The following MEF2A variants were observed in gnomAD, a reference collection of about 807,000 sequenced individuals.
The protein encoded by MEF2A is myocyte-specific enhancer factor 2A.
A neutral mutation model predicts 55.8 loss-of-function variants in MEF2A; 28 were observed. The ratio of observed to expected loss-of-function variants is 0.50; its 90% CI spans 0.37 to 0.69. MEF2A has a LOEUF of 0.69. Among genes scored for constraint, MEF2A ranks in the 30% least tolerant of loss-of-function variants. The pLI is 0.00. For missense variants in MEF2A, 528 were observed against 626.2 expected, an observed-to-expected ratio of 0.84 and a Z score of 1.67; for synonymous variants, 239 against 227.1, an observed-to-expected ratio of 1.05 and a Z score of -0.47.
intron 2 of MEF2A, among the ~76,000 whole-genome samples, chr15:99,611,721 G>A (rs181455192): frequency 4.7e-4 from 71 of 152,292 alleles, no homozygotes; most frequent in African/African-American, 1.6e-3. Context: ...CTTGTACACC[G>A]TTATTCATAG....
intron 1 of MEF2A, among the ~76,000 whole-genome samples, chr15:99,582,314 T>C (rs1355029386): frequency 6.6e-6 from 1 of 152,068 alleles, no homozygotes; most frequent in Non-Finnish European, 1.5e-5. Flanking sequence ...AGCTTTCGAG[T>C]GGAAGATGGG....
At chr15:99,632,117 T>G (rs1214484080) in intron 2 of MEF2A, among the ~76,000 whole-genome samples, 1 of 152,180 alleles carries the variant, frequency 6.6e-6, no homozygotes, top group Non-Finnish European at 1.5e-5. Flanking sequence ...GTCATCCTAC[T>G]ACACAGAATA....
chr15:99,690,891 G>A (rs1226014609), intron 8 of MEF2A, among the ~76,000 whole-genome samples: 1 of 152,174 alleles, frequency 6.6e-6, no homozygotes, highest in African/African-American at 2.4e-5. Context: ...TTTGATAGGA[G>A]AGAAGGGTGA....
chr15:99,637,894 C>T (rs912425533), intron 3 of MEF2A, among the ~76,000 whole-genome samples: 1 of 152,160 alleles, frequency 6.6e-6, no homozygotes, highest in Non-Finnish European at 1.5e-5. Flanking sequence ...CTGCCCGCCT[C>T]GGCCTCCCAA....
At chr15:99,582,556 C>G (rs1966243195) in intron 1 of MEF2A, among the ~76,000 whole-genome samples, 1 of 151,920 alleles carries the variant, frequency 6.6e-6, no homozygotes, top group South Asian at 2.1e-4. Context: ...TGTCTTATTT[C>G]TTCTTGTATT....
At chr15:99,705,613 TAAAAAG>T (rs2057944509) in intron 9 of MEF2A, among the ~76,000 whole-genome samples, 1 of 152,164 alleles carries the variant, frequency 6.6e-6, no homozygotes, top group Admixed American at 6.5e-5. Flanking sequence ...AAGTAGAAAT[TAAAAAG>T]AAATAAACTG....
intron 4 of MEF2A, among the ~76,000 whole-genome samples, chr15:99,665,623 A>T (rs1312310382): frequency 6.6e-6 from 1 of 151,780 alleles, no homozygotes; most frequent in Non-Finnish European, 1.5e-5. Context: ...AGCAAAAGAA[A>T]CTTTATCATC....
chr15:99,677,085 C>A (rs913993511), intron 7 of MEF2A, among the ~76,000 whole-genome samples: 11 of 151,964 alleles, frequency 7.2e-5, no homozygotes, highest in Non-Finnish European at 1.5e-4. Flanking sequence ...CATGCCACTG[C>A]ACTCCAGCCT....
At chr15:99,668,659 A>T (rs920053269) in intron 4 of MEF2A, among the ~76,000 whole-genome samples, 1 of 142,340 alleles carries the variant, frequency 7.0e-6, no homozygotes, top group African/African-American at 2.7e-5. Flanking sequence ...GACCTTTCAC[A>T]CTGTGTTTTC....
rs577149515 is a variant in MEF2A at position 99,622,166 on chromosome 15, T to A, written c.-142-10812T>A. On this transcript the variant is annotated intron_variant, in intron 2 of 11. Coordinates refer to ENST00000557942, the MANE Select transcript of MEF2A (RefSeq NM_001319206.4). The stretch of plus-strand genomic sequence containing the variant: ...GTAGAGCCCATATTGGGAATGTTTT[T>A]AAAAATCTGGTTCCTGATTTTTTAA... Among the ~76,000 whole-genome samples the A allele has an allele frequency of 4.6e-5, 7 of 152,330 alleles. No individual in the cohort carries two copies. In the East Asian group the frequency reaches 7.7e-4, roughly 17 times the overall value.
At chr15:99,654,009 G>A (rs1323262223) in intron 4 of MEF2A, among the ~76,000 whole-genome samples, 1 of 152,114 alleles carries the variant, frequency 6.6e-6, no homozygotes, top group Non-Finnish European at 1.5e-5. Context: ...ACATTAGCTT[G>A]CTTTTTTTGC....
At chr15:99,685,459 C>T (rs1292957107) in intron 7 of MEF2A, among the ~76,000 whole-genome samples, 1 of 150,840 alleles carries the variant, frequency 6.6e-6, no homozygotes, top group African/African-American at 2.4e-5. Context: ...GCACCTGTTG[C>T]AAAAAGCGTT....
At chr15:99,604,175 A>G (rs1400178635) in intron 2 of MEF2A, among the ~76,000 whole-genome samples, 1 of 152,090 alleles carries the variant, frequency 6.6e-6, no homozygotes, top group Admixed American at 6.5e-5. Flanking sequence ...TGCTGCCTAG[A>G]TTTTTTAGTT....
At chr15:99,602,113 A>G (rs1973294179) in intron 2 of MEF2A, among the ~76,000 whole-genome samples, 1 of 152,134 alleles carries the variant, frequency 6.6e-6, no homozygotes, top group Non-Finnish European at 1.5e-5. Flanking sequence ...GACCGAGGCA[A>G]GTTTTAGAGC....
At chr15:99,597,239 G>C (rs1398249076) in intron 1 of MEF2A, among the ~76,000 whole-genome samples, 1 of 152,098 alleles carries the variant, frequency 6.6e-6, no homozygotes, top group African/African-American at 2.4e-5. Flanking sequence ...TCTCAGCATG[G>C]AACATCCCTG....
At chr15:99,660,628 A>G (rs1198253575) in intron 4 of MEF2A, among the ~76,000 whole-genome samples, 7 of 152,232 alleles carry the variant, frequency 4.6e-5, no homozygotes, top group Non-Finnish European at 8.8e-5. Context: ...CTTTGTATGA[A>G]TAAGAAAGAA....
chr15:99,685,142 G>A lies in MEF2A; in HGVS notation c.671-5099G>A, dbSNP rs534782478. ...GAAATAATGTGATGCCTCCAGATTT[G>A]TTCTTTTTGCTTAGTCTTGCTTTGG... On this transcript the variant is annotated intron_variant, in intron 7 of 11. Coordinates refer to ENST00000557942, the MANE Select transcript of MEF2A (RefSeq NM_001319206.4). 2.0e-5 allele frequency among the ~76,000 whole-genome samples: 3 copies of A among 152,220 alleles called. No individual in the cohort carries two copies. The East Asian group carries it at 5.8e-4, about 29-fold the overall frequency.
intron 3 of MEF2A, among the ~76,000 whole-genome samples, chr15:99,636,398 G>A (rs1223654004): frequency 6.6e-6 from 1 of 152,162 alleles, no homozygotes; most frequent in African/African-American, 2.4e-5. Context: ...CCAGGCTGGA[G>A]TGCAGTGGTG....
intron 3 of MEF2A, among the ~76,000 whole-genome samples, chr15:99,634,534 C>CTG (rs2153420981): frequency 6.6e-6 from 1 of 152,174 alleles, no homozygotes; most frequent in African/African-American, 2.4e-5. Flanking sequence ...TGGGGAATAA[C>CTG]ATACAAGCAA....
Sources: allele counts gnomAD v4.1 joint callset (sites outside exome capture counted in the v4.1 genomes callset), GRCh38; gene constraint gnomAD v4.1.1; transcripts MANE v1.5; gene names NCBI Gene and HGNC (gene_info 2026-07-23, HGNC 2026-07-21).